The following COL9A1 variants were observed in gnomAD, a reference collection of about 807,000 sequenced individuals.
COL9A1 encodes the protein collagen alpha-1(IX) chain.
COL9A1 carries 104 observed loss-of-function variants against 142.6 expected under a neutral mutation model. The observed-to-expected ratio is 0.73, with a 90% CI of 0.62 to 0.86. COL9A1 has a LOEUF of 0.86. COL9A1 is among the 40% of genes least tolerant of loss of function. The probability of loss-of-function intolerance (pLI) is 0.00; values close to 1 mark genes in which losing one functional copy is unlikely to be tolerated. For missense variants in COL9A1, 1,210 were observed against 1,176.6 expected (o/e 1.03, Z -0.42); for synonymous variants, 466 against 396.0 (o/e 1.18, Z -2.10).
At chr6:70,228,862 C>T (rs1031565268) in intron 36 of COL9A1, among the ~76,000 whole-genome samples, 6 of 151,958 alleles carry the variant, frequency 3.9e-5, no homozygotes, top group Non-Finnish European at 5.9e-5. Context: ...TAGGAAGATA[C>T]GACAATTAAC....
In COL9A1 at chr6:70,225,806, G is replaced by C; in HGVS notation, c.2581+126C>G. On this transcript the variant is annotated intron_variant, in intron 37 of 37. Transcript: ENST00000357250. Reference sequence around the variant, plus strand: ...AGCTGGTCTTGAAAAATCTATGCTAGCCATTCTGAATAATTAATATGCTTA... The same window carrying C: ...AGCTGGTCTTGAAAAATCTATGCTACCCATTCTGAATAATTAATATGCTTA... 11 of 763,806 alleles carry C rather than the reference G, an allele frequency of 1.4e-5. No homozygotes were observed. In the South Asian group the frequency reaches 1.6e-4, roughly 11 times the overall value. 47.3% of individuals were successfully genotyped at this position (763,806 alleles called of 1,614,324 possible).
At chr6:70,231,771 T>C (rs35005937) in intron 36 of COL9A1, among the ~76,000 whole-genome samples, 35,381 of 151,544 alleles carry the variant, frequency 0.23, 4,470 homozygotes, top group Non-Finnish European at 0.28. Context: ...TCTGAAGTTC[T>C]CCAGAAAGCT....
rs1173470140 is a variant in COL9A1, at chr6:70,225,938, G to C, written c.2575C>G (p.Leu859Val). 1 of 1,613,660 alleles carries C rather than the reference G, an allele frequency of 6.2e-7. No homozygotes were observed. Among genetic ancestry groups the C allele is most frequent in the Non-Finnish European group, 8.5e-7 (1 of 1,179,786 alleles). Residue 859 changes from leucine to valine, a missense_variant, in exon 37 of 38, where the codon CTC (leucine) becomes GTC (valine). By Grantham distance (32) the Leu-to-Val change is conservative (BLOSUM62 1). Transcript: ENST00000357250. ...AGCTATACAACACACTTACCTGGGA[G>C]ACCTATAGCTCCAGGCAAACCGTTG... ...GPNGLPGAIG[L>V]PGDPGPASYG...
At chr6:70,277,817 C>A (rs533446506) in intron 10 of COL9A1, among the ~76,000 whole-genome samples, 1 of 152,290 alleles carries the variant, frequency 6.6e-6, no homozygotes, top group South Asian at 2.1e-4. Flanking sequence ...AAAAAATAAG[C>A]CTTGTAATGA....
intron 20 of COL9A1, among the ~76,000 whole-genome samples, chr6:70,257,791 CACTCTAAGAACAGCTGCTAT>C (rs201680475): frequency 0.013 from 1,983 of 152,192 alleles, 25 homozygotes; most frequent in Non-Finnish European, 0.02. Flanking sequence ...GCCATGGAGC[CACTCTAAGAACAGCTGCTAT>C]ACTCTGTTGC....
At chr6:70,298,501 A>G (rs1773934199) in intron 4 of COL9A1, among the ~76,000 whole-genome samples, 1 of 152,170 alleles carries the variant, frequency 6.6e-6, no homozygotes. Context: ...CCTTGACAGT[A>G]AAACAAGATT....
At chr6:70,269,169 T>C (rs1772234298) in intron 16 of COL9A1, among the ~76,000 whole-genome samples, 1 of 152,138 alleles carries the variant, frequency 6.6e-6, no homozygotes, top group Non-Finnish European at 1.5e-5. Flanking sequence ...TTAAGGAAAA[T>C]ATGTTTACAG....
intron 36 of COL9A1, among the ~76,000 whole-genome samples, chr6:70,226,242 T>C (rs1769219099): frequency 6.6e-6 from 1 of 152,180 alleles, no homozygotes; most frequent in Non-Finnish European, 1.5e-5. Flanking sequence ...TTGACAAAAT[T>C]GAACATGCAT....
intron 4 of COL9A1, among the ~76,000 whole-genome samples, chr6:70,298,635 C>A (rs1359147060): frequency 1.3e-5 from 2 of 152,082 alleles, no homozygotes; most frequent in African/African-American, 4.8e-5. Flanking sequence ...AAGGAAGCCA[C>A]GTGGCATCAA....
At chr6:70,275,714 T>C (rs1371085989) in intron 10 of COL9A1, among the ~76,000 whole-genome samples, 1 of 152,160 alleles carries the variant, frequency 6.6e-6, no homozygotes, top group Admixed American at 6.5e-5. Flanking sequence ...ATTTACAATG[T>C]AATCTTGAAA....
chr6:70,218,466 T>A (rs1768670717), intron 37 of COL9A1, among the ~76,000 whole-genome samples: 2 of 152,218 alleles, frequency 1.3e-5, no homozygotes, highest in Admixed American at 1.3e-4. Flanking sequence ...CTAGCAGCAC[T>A]TTCACACAAT....
intron 32 of COL9A1, among the ~76,000 whole-genome samples, chr6:70,240,471 G>A (rs1770175667): frequency 6.6e-6 from 1 of 151,888 alleles, no homozygotes; most frequent in Non-Finnish European, 1.5e-5. Context: ...TTTCCTCTCT[G>A]CTTTACTTGA....
intron 28 of COL9A1, among the ~76,000 whole-genome samples, chr6:70,244,113 G>A (rs1287347686): frequency 6.6e-6 from 1 of 152,186 alleles, no homozygotes; most frequent in African/African-American, 2.4e-5. Flanking sequence ...CTGTTTGCCA[G>A]TTTACAACAA....
intron 35 of COL9A1, among the ~76,000 whole-genome samples, chr6:70,233,675 C>T (rs1769702586): frequency 6.6e-6 from 1 of 152,126 alleles, no homozygotes; most frequent in Non-Finnish European, 1.5e-5. Context: ...ATGTTTAAAA[C>T]TAAAATAGAC....
chr6:70,266,140 G>A (rs1380930159), intron 18 of COL9A1, among the ~76,000 whole-genome samples: 1 of 152,136 alleles, frequency 6.6e-6, no homozygotes, highest in Admixed American at 6.5e-5. Flanking sequence ...TTTCTGCAGG[G>A]CATGCCAGCT....
intron 28 of COL9A1, among the ~76,000 whole-genome samples, chr6:70,246,794 C>T (rs1010170110): frequency 2.0e-5 from 3 of 152,022 alleles, no homozygotes; most frequent in Non-Finnish European, 4.4e-5. Context: ...GAGGCATATG[C>T]GAGGGTGGAA....
At chr6:70,248,425 TC>T (rs1770732402) in intron 28 of COL9A1, among the ~76,000 whole-genome samples, 1 of 152,212 alleles carries the variant, frequency 6.6e-6, no homozygotes, top group Admixed American at 6.5e-5. Context: ...TGTCTTCATC[TC>T]CAACCCACAT....
At chr6:70,298,358 C>A (rs956618413) in intron 4 of COL9A1, among the ~76,000 whole-genome samples, 3 of 152,194 alleles carry the variant, frequency 2.0e-5, no homozygotes, top group Admixed American at 1.3e-4. Flanking sequence ...AGTCTAAGTA[C>A]TTTCCCAAGA....
At chr6:70,272,227 A>G (rs1249402487) in intron 12 of COL9A1, 139 bp from the exon 13 acceptor site, 17 of 673,364 alleles carry the variant, frequency 2.5e-5, no homozygotes, top group Middle Eastern at 4.2e-4. Context: ...CACTGAATAA[A>G]GAAAAGCAAA....
Sources: gnomAD v4.1 joint callset for allele counts (sites outside exome capture counted in the v4.1 genomes callset) on GRCh38, gnomAD v4.1.1 for gene constraint, MANE v1.5 for transcripts, NCBI Gene and HGNC (gene_info 2026-07-23, HGNC 2026-07-21) for gene names.